WNT2B: variants seen among roughly 807,000 people sequenced by gnomAD.
WNT2B encodes Wnt family member 2B, also known as protein Wnt-2b.
A neutral mutation model predicts 40.5 loss-of-function variants in WNT2B; 19 were observed. That is an observed-to-expected ratio of 0.47 (90% CI 0.33 to 0.69). The LOEUF is 0.69. WNT2B is among the 30% of genes least tolerant of loss of function. The pLI is 0.02. For synonymous variants in WNT2B, 220 were observed against 211.9 expected (o/e 1.04, Z -0.33); for missense variants, 467 against 556.4 (o/e 0.84, Z 1.62).
chr1:112,467,591 A>C, exon 1 of WNT2B: 1 of 780,704 alleles, frequency 1.3e-6, no homozygotes, highest in Non-Finnish European at 2.4e-6. Context: ...TTCAACTAAA[A>C]GTAAGTTGAA....
chr1:112,502,814 G>T (rs989060770), intron 1 of WNT2B, among the ~76,000 whole-genome samples: 16 of 152,298 alleles, frequency 1.1e-4, no homozygotes, highest in Middle Eastern at 3.4e-3. Flanking sequence ...GAAGGAAATT[G>T]GGGGAGAGGG....
At chr1:112,506,247 A>T (rs538242517), upstream of WNT2B, among the ~76,000 whole-genome samples, 4 of 152,126 alleles carry the variant, frequency 2.6e-5, no homozygotes, top group South Asian at 8.3e-4. Context: ...CATCCTCCCA[A>T]CTCGGCCTCC....
Position 112,513,416 on chromosome 1 carries a change from G to A in WNT2B, c.183-1458G>A, listed in dbSNP as rs993977699. Among the ~76,000 whole-genome samples, 12 of 152,166 alleles carry A rather than the reference G, an allele frequency of 7.9e-5. 1 individual carries two copies. The East Asian group carries it at 2.3e-3, about 29-fold the overall frequency. ...GGGCCAGCCCTCTCACCCCTTCCCC[G>A]GGACAGATGGGCCCCATCAGCCCTG... On this transcript the variant is annotated intron_variant, in intron 1 of 4. Coordinates refer to ENST00000369684, the MANE Select transcript of WNT2B (RefSeq NM_024494.3).
chr1:112,509,315 C>T lies in WNT2B; in HGVS notation c.53C>T (p.Ala18Val). The T allele has an allele frequency of 6.4e-7, 1 of 1,569,864 alleles. No individual in the cohort carries two copies. Among genetic ancestry groups the T allele is most frequent in the East Asian group, 2.3e-5 (1 of 42,898 alleles). ...EEAAQLPLRR[A>V]SAPVPVPSPA... The stretch of plus-strand genomic sequence containing the variant: ...GCTGCGCAGCTCCCGCTTCGGCGCG[C>T]CAGCGCCCCGGTCCCTGTGCCGTCG... Residue 18 changes from alanine (A) to valine (V), a missense_variant, in exon 1 of 5, where the codon GCC (alanine) becomes GTC (valine). Around this residue, in one of 2 missense-constraint regions of WNT2B, gnomAD observed 137 missense variants for 117.7 expected, o/e 1.16. Transcript: ENST00000369684. This position sits in a 1 kb window ranked among gnomAD's most constrained non-coding sequence, Gnocchi z 4.2.
chr1:112,503,486 C>T (rs1000596684), intron 1 of WNT2B, among the ~76,000 whole-genome samples: 39 of 151,926 alleles, frequency 2.6e-4, no homozygotes, highest in African/African-American at 9.4e-4. Flanking sequence ...AAGAGAGAGA[C>T]GAAGACAGAA....
chr1:112,508,819 A>AG, upstream of WNT2B: 1 of 991,206 alleles, frequency 1.0e-6, no homozygotes, highest in Non-Finnish European at 1.2e-6. This position sits in a 1 kb window ranked among gnomAD's most constrained non-coding sequence, Gnocchi z 4.2. Flanking sequence ...GGGAGCCCCG[A>AG]GGGGCGGAGG....
At chr1:112,508,245 C>T (rs1482168632), upstream of WNT2B, among the ~76,000 whole-genome samples, 6 of 151,834 alleles carry the variant, frequency 4.0e-5, no homozygotes, top group Non-Finnish European at 7.4e-5. The surrounding 1 kb of genome is among the most constrained non-coding windows in gnomAD (Gnocchi z 4.2). Context: ...AGAGACTGAG[C>T]TCCGCTGAGC....
At position 112,524,423 on chromosome 1, in the gene WNT2B, T is replaced by C. The variant is rs1227455671; in HGVS notation, c.*3914T>C. The C allele has an allele frequency of 1.3e-5, 2 of 152,610 alleles. No homozygotes were observed. Among genetic ancestry groups the C allele is most frequent in the Non-Finnish European group, 2.9e-5 (2 of 68,116 alleles). The allele number at this position is 152,610 out of a possible 1,614,324, so 9.5% of individuals were successfully genotyped here. Reference sequence around the variant, plus strand: ...GCCAAATTACAGCACCAGAGAACAATGTGATGCATTCCTGGGCAGGTCGGT... The same window carrying C: ...GCCAAATTACAGCACCAGAGAACAACGTGATGCATTCCTGGGCAGGTCGGT... On this transcript the variant is annotated 3_prime_UTR_variant, in exon 5 of 5. Coordinates refer to ENST00000369684, the MANE Select transcript of WNT2B (RefSeq NM_024494.3).
intron 1 of WNT2B, among the ~76,000 whole-genome samples, chr1:112,488,553 G>GTTT (rs561016335): frequency 3.0e-5 from 4 of 133,902 alleles, no homozygotes; most frequent in Non-Finnish European, 4.8e-5. Context: ...TTTACTTACT[G>GTTT]TTTTTTTTTT....
chr1:112,467,386 C>G (rs1174550862), exon 1 of WNT2B: 2 of 616,034 alleles, frequency 3.2e-6, no homozygotes, highest in African/African-American at 3.7e-5. Flanking sequence ...GAGGTTTAAG[C>G]TTCGAGGCCC....
intron 1 of WNT2B, among the ~76,000 whole-genome samples, chr1:112,481,964 T>C (rs1488739142): frequency 6.6e-6 from 1 of 151,970 alleles, no homozygotes; most frequent in Non-Finnish European, 1.5e-5. Flanking sequence ...CTGGCCAACA[T>C]GGTGAAACCC....
rs966531238 is a variant in WNT2B, at chr1:112,524,577, G to T, written c.*4068G>T. 2.0e-5 allele frequency: 3 copies of T among 152,652 alleles called. No homozygotes were observed. Among genetic ancestry groups the T allele is most frequent in the African/African-American group, 7.2e-5 (3 of 41,430 alleles). The allele number at this position is 152,652 out of a possible 1,614,324, so 9.5% of individuals were successfully genotyped here. A position where few individuals can be genotyped will look rare whatever the true frequency, so the allele number is the denominator to read the frequency against. Reference sequence around the variant, plus strand: ...AGAGCTTCACATTACACAGAGACCTGTAGCTCACACCTGGTTATTGATGGC... The same window carrying T: ...AGAGCTTCACATTACACAGAGACCTTTAGCTCACACCTGGTTATTGATGGC... On this transcript the variant is annotated 3_prime_UTR_variant, in exon 5 of 5. Transcript: ENST00000369684.
At chr1:112,483,582 T>G (rs77665684) in intron 1 of WNT2B, among the ~76,000 whole-genome samples, 1 of 150,232 alleles carries the variant, frequency 6.7e-6, no homozygotes. Context: ...ATTTTTTTTT[T>G]GATGTGACAC....
At chr1:112,469,952 G>A (rs1650822614) in intron 1 of WNT2B, among the ~76,000 whole-genome samples, 2 of 152,076 alleles carry the variant, frequency 1.3e-5, no homozygotes, top group African/African-American at 2.4e-5. Flanking sequence ...AAAAATTGTT[G>A]TGATTATTAT....
chr1:112,496,704 G>A (rs1251848951), intron 1 of WNT2B, among the ~76,000 whole-genome samples: 5 of 151,892 alleles, frequency 3.3e-5, no homozygotes, highest in African/African-American at 1.2e-4. Flanking sequence ...GGGTTCAAGT[G>A]ATTCTCCTGC....
At chr1:112,502,220 G>C (rs919361952) in intron 1 of WNT2B, among the ~76,000 whole-genome samples, 1 of 152,140 alleles carries the variant, frequency 6.6e-6, no homozygotes, top group African/African-American at 2.4e-5. Flanking sequence ...AGGAGCCACC[G>C]GGCTCTCCTC....
intron 1 of WNT2B, among the ~76,000 whole-genome samples, chr1:112,498,223 T>C (rs992121661): frequency 6.6e-6 from 1 of 152,064 alleles, no homozygotes; most frequent in African/African-American, 2.4e-5. Context: ...TCCATGTCCC[T>C]GTAAAGGACA....
chr1:112,492,699 C>T (rs890732434), intron 1 of WNT2B, among the ~76,000 whole-genome samples: 1 of 152,108 alleles, frequency 6.6e-6, no homozygotes, highest in East Asian at 1.9e-4. Flanking sequence ...TTTGCAGAGT[C>T]TATCCAAACT....
At chr1:112,488,196 G>A (rs1651479782) in intron 1 of WNT2B, among the ~76,000 whole-genome samples, 1 of 151,902 alleles carries the variant, frequency 6.6e-6, no homozygotes, top group Non-Finnish European at 1.5e-5. Flanking sequence ...TATTTGGGAG[G>A]CTGAGGCTGG....
Sources: allele counts gnomAD v4.1 joint callset (sites outside exome capture counted in the v4.1 genomes callset), GRCh38; gene constraint gnomAD v4.1.1; regional missense constraint gnomAD v4.1.1; non-coding constraint Gnocchi (gnomAD v3.1); transcripts MANE v1.5; gene names NCBI Gene and HGNC (gene_info 2026-07-23, HGNC 2026-07-21).